KATNBL1: variants seen among roughly 807,000 people sequenced by gnomAD.
The protein encoded by KATNBL1 is katanin regulatory subunit B1 like 1, also known as KATNB1-like protein 1.
Under a neutral mutation model 44.7 loss-of-function variants are expected in KATNBL1, and 28 were observed. The ratio of observed to expected loss-of-function variants is 0.63; its 90% CI spans 0.46 to 0.86. KATNBL1 has a LOEUF of 0.86. KATNBL1 is among the 40% of genes least tolerant of loss of function. The probability of loss-of-function intolerance (pLI) is 0.00; values close to 1 mark genes in which losing one functional copy is unlikely to be tolerated. For synonymous variants in KATNBL1, 78 were observed against 114.9 expected, an observed-to-expected ratio of 0.68 and a Z score of 2.06; for missense variants, 272 against 350.7, an observed-to-expected ratio of 0.78 and a Z score of 1.79.
intron 1 of KATNBL1, among the ~76,000 whole-genome samples, chr15:34,203,880 G>C (rs970157790): frequency 3.3e-5 from 5 of 151,992 alleles, no homozygotes; most frequent in Non-Finnish European, 5.9e-5. Flanking sequence ...GGCCCTGTTG[G>C]GGGGTGGGGG....
chr15:34,165,571 C>T (rs530713157), intron 1 of KATNBL1, among the ~76,000 whole-genome samples: 39 of 152,056 alleles, frequency 2.6e-4, no homozygotes, highest in African/African-American at 8.2e-4. Flanking sequence ...CTGAGGCAGG[C>T]GGATCACCTG....
At chr15:34,147,668 A>C (rs1215196790) in intron 5 of KATNBL1, among the ~76,000 whole-genome samples, 1 of 152,188 alleles carries the variant, frequency 6.6e-6, no homozygotes, top group African/African-American at 2.4e-5. Context: ...ATAACAAGAC[A>C]TAAGACATAT....
intron 1 of KATNBL1, among the ~76,000 whole-genome samples, chr15:34,197,748 G>T (rs1272994988): frequency 1.3e-5 from 2 of 152,104 alleles, no homozygotes; most frequent in East Asian, 3.9e-4. Context: ...AAAGAATGAG[G>T]TTTATTTTAT....
intron 1 of KATNBL1, among the ~76,000 whole-genome samples, chr15:34,171,707 C>A (rs1889165746): frequency 6.6e-6 from 1 of 152,134 alleles, no homozygotes; most frequent in Non-Finnish European, 1.5e-5. Context: ...CAATGATAAA[C>A]TGGATTAAGA....
intron 1 of KATNBL1, among the ~76,000 whole-genome samples, chr15:34,187,275 C>T (rs1228522964): frequency 1.3e-5 from 2 of 152,132 alleles, no homozygotes; most frequent in South Asian, 2.1e-4. Context: ...CTCTCCAGGG[C>T]CTCTTCTCTG....
chr15:34,166,556 C>T (rs892880612), intron 1 of KATNBL1, among the ~76,000 whole-genome samples: 4 of 152,244 alleles, frequency 2.6e-5, no homozygotes, highest in African/African-American at 9.6e-5. Context: ...ACTTAAACTT[C>T]CCAGTCTGAT....
rs1890248907 is a variant in KATNBL1 at position 34,204,695 on chromosome 15, C to G, written c.-15+5256G>C. On this transcript the variant is annotated intron_variant, in intron 1 of 9. Transcript: ENST00000256544. ...CTTGAAAAACCATCTGCCAGACTTTCTTCAACTGGAAACATACTTTGTAGG... is the reference window on the plus strand; with the variant it reads ...CTTGAAAAACCATCTGCCAGACTTTGTTCAACTGGAAACATACTTTGTAGG... Among the ~76,000 whole-genome samples the G allele has an allele frequency of 3.3e-5, 5 of 152,220 alleles. No individual in the cohort carries two copies. The South Asian group carries it at 8.3e-4, about 25-fold the overall frequency.
intron 1 of KATNBL1, among the ~76,000 whole-genome samples, chr15:34,170,675 T>G (rs1461927461): frequency 6.6e-6 from 1 of 152,220 alleles, no homozygotes; most frequent in East Asian, 1.9e-4. Flanking sequence ...TCATGCTACC[T>G]GACTTCAAAC....
At chr15:34,169,386 C>T (rs963045914) in intron 1 of KATNBL1, among the ~76,000 whole-genome samples, 15 of 152,102 alleles carry the variant, frequency 9.9e-5, no homozygotes, top group African/African-American at 2.9e-4. Flanking sequence ...CAAGACTAAA[C>T]CAGGAAGAAG....
chr15:34,150,337 T>C (rs1395660939), intron 4 of KATNBL1, among the ~76,000 whole-genome samples: 1 of 152,194 alleles, frequency 6.6e-6, no homozygotes, highest in Non-Finnish European at 1.5e-5. Context: ...ACACCTGTAA[T>C]CCCAGCACTT....
At chr15:34,159,806 T>G (rs1046243303) in intron 2 of KATNBL1, among the ~76,000 whole-genome samples, 1 of 152,212 alleles carries the variant, frequency 6.6e-6, no homozygotes, top group Non-Finnish European at 1.5e-5. Flanking sequence ...ATTAATAAAT[T>G]TGATACTAGC....
intron 1 of KATNBL1, among the ~76,000 whole-genome samples, chr15:34,202,935 A>G (rs538163299): frequency 6.6e-6 from 1 of 152,134 alleles, no homozygotes; most frequent in Non-Finnish European, 1.5e-5. Flanking sequence ...AGGTTGCAGT[A>G]AGCCAAGATC....
At chr15:34,197,289 T>C (rs541734624) in intron 1 of KATNBL1, among the ~76,000 whole-genome samples, 89 of 152,366 alleles carry the variant, frequency 5.8e-4, no homozygotes, top group African/African-American at 2.1e-3. Flanking sequence ...CAGAGAAATA[T>C]AAGTCCTAGA....
At position 34,163,622 on chromosome 15, in the gene KATNBL1, C is replaced by G; in HGVS notation, c.55G>C (p.Asp19His). ...TTTCTAGGAAGATCAATGAAATGATCCTCAATCTTATTACAAAAGTTCCGT... is the reference window on the plus strand; with the variant it reads ...TTTCTAGGAAGATCAATGAAATGATGCTCAATCTTATTACAAAAGTTCCGT... ...KKRNFCNKIE[D>H]HFIDLPRKKI... The change falls in exon 2 of 10, where the codon GAT becomes CAT. Residue 19 changes from aspartate (D) to histidine (H), a missense_variant. Transcript: ENST00000256544. 6.2e-7 allele frequency: 1 copy of G among 1,600,462 alleles called. No individual in the cohort carries two copies. The highest frequency in any genetic ancestry group is 1.1e-5 in the South Asian group (1 of 87,686).
At chr15:34,144,256 T>TA (rs1888243443) in intron 9 of KATNBL1, among the ~76,000 whole-genome samples, 1 of 151,918 alleles carries the variant, frequency 6.6e-6, no homozygotes, top group South Asian at 2.1e-4. Flanking sequence ...GAGCTGAACT[T>TA]ATCTTGGAGT....
At chr15:34,185,628 C>T (rs1230123527) in intron 1 of KATNBL1, among the ~76,000 whole-genome samples, 1 of 152,180 alleles carries the variant, frequency 6.6e-6, no homozygotes, top group Non-Finnish European at 1.5e-5. Context: ...GGTCTAGGTC[C>T]TGATGCTTGG....
At chr15:34,188,522 C>T (rs1020188790) in intron 1 of KATNBL1, among the ~76,000 whole-genome samples, 58 of 152,272 alleles carry the variant, frequency 3.8e-4, no homozygotes, top group African/African-American at 1.3e-3. Context: ...TGCCACTGTA[C>T]TCCAGGTTGG....
At chr15:34,163,896 CT>C (rs5811822) in intron 1 of KATNBL1, among the ~76,000 whole-genome samples, 46,872 of 145,450 alleles carry the variant, frequency 0.32, 7,615 homozygotes, top group African/African-American at 0.45. Context: ...TGTCCTCATT[CT>C]TTTTTTTTTT....
chr15:34,152,813 T>C lies in KATNBL1; in HGVS notation c.415A>G (p.Lys139Glu). 6.2e-7 allele frequency: 1 copy of C among 1,612,532 alleles called. No individual in the cohort carries two copies. The highest frequency in any genetic ancestry group is 1.1e-5 in the South Asian group (1 of 90,762). Residue 139 changes from lysine (K) to glutamate (E), a missense_variant, in exon 4 of 10, where the codon AAA becomes GAA. Transcript: ENST00000256544. ...ACCTCAGAAAAAAACCCACTATATT[T>C]TGATGATGGGCTTTCTGTCTGTGAA... The part of the protein sequence containing the change: ...GSSQTESPSS[K>E]YSGFFSEVSQ...
Sources: allele counts gnomAD v4.1 joint callset (sites outside exome capture counted in the v4.1 genomes callset), GRCh38; gene constraint gnomAD v4.1.1; transcripts MANE v1.5; gene names NCBI Gene and HGNC (gene_info 2026-07-23, HGNC 2026-07-21).